The following RORC variants were observed in gnomAD, a reference collection of about 807,000 sequenced individuals.
RORC encodes RAR related orphan receptor C.
RORC carries 13 observed loss-of-function variants against 64.5 expected under a neutral mutation model. The observed-to-expected ratio is 0.20, with a 90% CI of 0.13 to 0.32. The LOEUF is 0.32. RORC is among the 10% of genes least tolerant of loss of function. The pLI is 1.00. For missense variants in RORC, 468 were observed against 669.5 expected (o/e 0.70, Z 3.32); for synonymous variants, 277 against 259.3 (o/e 1.07, Z -0.65).
At chr1:151,817,611 G>A (rs768548176) in intron 2 of RORC, among the ~76,000 whole-genome samples, 1 of 152,046 alleles carries the variant, frequency 6.6e-6, no homozygotes, top group Non-Finnish European at 1.5e-5. Flanking sequence ...CCTCCCTCCC[G>A]CCTTGGGACA....
chr1:151,808,382 A>G (rs538579150), intron 10 of RORC, among the ~76,000 whole-genome samples: 1 of 152,368 alleles, frequency 6.6e-6, no homozygotes, highest in East Asian at 1.9e-4. Flanking sequence ...ACCTCACTGG[A>G]GCAAGGCTGA....
At chr1:151,817,107 A>C (rs1651788804) in intron 3 of RORC, 88 bp downstream of exon 3, 1 of 306,222 alleles carries the variant, frequency 3.3e-6, no homozygotes, top group Non-Finnish European at 5.2e-6. Flanking sequence ...ATCTCTAAGG[A>C]GACACTGTGT....
rs964007404 is a variant in RORC at position 151,806,172 on chromosome 1, C to A, written c.*1300G>T. 2 of 153,062 alleles carry A rather than the reference C, an allele frequency of 1.3e-5. No individual in the cohort carries two copies. The highest frequency in any genetic ancestry group is 4.8e-5 in the African/African-American group (2 of 41,452). The allele number at this position is 153,062 out of a possible 1,614,324, so 9.5% of individuals were successfully genotyped here. A position where few individuals can be genotyped will look rare whatever the true frequency, so the allele number is the denominator to read the frequency against. ...GGACACAATCCCACCCCCAACCCCC[C>A]CAACTCCACGACTGCCCATCATTGC... On this transcript the variant is annotated 3_prime_UTR_variant, in exon 11 of 11. Coordinates refer to ENST00000318247, the MANE Select transcript of RORC (RefSeq NM_005060.4).
intron 2 of RORC, among the ~76,000 whole-genome samples, chr1:151,823,679 A>G (rs1300980621): frequency 6.6e-6 from 1 of 152,082 alleles, no homozygotes; most frequent in Non-Finnish European, 1.5e-5. Context: ...TCGCTCTGTC[A>G]CCTAAGCTAG....
intron 2 of RORC, among the ~76,000 whole-genome samples, chr1:151,824,251 G>A (rs996446295): frequency 4.6e-5 from 7 of 152,132 alleles, no homozygotes; most frequent in East Asian, 3.9e-4. Context: ...TGACCCCCTC[G>A]TTGGAGGAGG....
At chr1:151,829,641 T>G (rs532342155) in intron 1 of RORC, among the ~76,000 whole-genome samples, 183 bp from the exon 2 acceptor site, 14 of 152,274 alleles carry the variant, frequency 9.2e-5, no homozygotes, top group Non-Finnish European at 1.8e-4. Context: ...ACACTGGCCC[T>G]CTTCCAGGTA....
chr1:151,823,886 A>G (rs1288997032), intron 2 of RORC, among the ~76,000 whole-genome samples: 2 of 152,148 alleles, frequency 1.3e-5, no homozygotes, highest in East Asian at 3.9e-4. Context: ...CTCAAGCCTC[A>G]GCCTCCTGAA....
intron 2 of RORC, among the ~76,000 whole-genome samples, chr1:151,817,842 G>A (rs1391363126): frequency 6.6e-6 from 1 of 152,228 alleles, no homozygotes; most frequent in Non-Finnish European, 1.5e-5. Flanking sequence ...GGGGTGGCAG[G>A]GAGGAACCCA....
rs1413632721 is a variant in RORC, at chr1:151,815,352, C to G, written c.372G>C (p.Gln124His). The change falls in exon 5 of 11, where the codon CAG becomes CAC. Residue 124 changes from glutamine (Q) to histidine (H), a missense_variant. Around this residue, in one of 5 missense-constraint regions of RORC, gnomAD observed 241 missense variants for 295.5 expected, o/e 0.82. Transcript: ENST00000318247. ...CTGGTTCCTGTTGCTGCTGTTGCCG[C>G]TGCTGCAGCTGTTTCTGCACTTCTG... ...LHAEVQKQLQ[Q>H]RQQQQQEPVV... 1 of 1,582,740 alleles carries G rather than the reference C, an allele frequency of 6.3e-7. No individual in the cohort carries two copies. Among genetic ancestry groups the G allele is most frequent in the Non-Finnish European group, 8.6e-7 (1 of 1,165,462 alleles).
chr1:151,809,649 C>A (rs528411609), intron 10 of RORC, among the ~76,000 whole-genome samples: 1 of 152,024 alleles, frequency 6.6e-6, no homozygotes, highest in South Asian at 2.1e-4. Flanking sequence ...CAGATCCAAC[C>A]GGATGTGCTT....
chr1:151,818,052 T>C (rs1651838640), intron 2 of RORC, among the ~76,000 whole-genome samples: 3 of 152,210 alleles, frequency 2.0e-5, no homozygotes, highest in Admixed American at 2.0e-4. Context: ...ATGTTAAAAA[T>C]GGCTGAGACT....
chr1:151,827,594 C>A (rs1652244780), intron 2 of RORC, among the ~76,000 whole-genome samples: 1 of 152,226 alleles, frequency 6.6e-6, no homozygotes, highest in South Asian at 2.1e-4. Flanking sequence ...AGTCTCTCGG[C>A]CTGGGGGAGG....
chr1:151,813,352 C>T lies in RORC; in HGVS notation c.1067-6G>A. ...CAGCACCACTTCCATTGCTCCTGGGCAGTGGGGAGAGAAGATGCAGGGACA... is the reference window on the plus strand; with the variant it reads ...CAGCACCACTTCCATTGCTCCTGGGTAGTGGGGAGAGAAGATGCAGGGACA... On this transcript the variant is annotated splice_polypyrimidine_tract_variant and splice_region_variant and intron_variant, in intron 7 of 10. Coordinates refer to ENST00000318247, the MANE Select transcript of RORC (RefSeq NM_005060.4). The T allele has an allele frequency of 6.2e-7, 1 of 1,613,390 alleles. No homozygotes were observed. The highest frequency in any genetic ancestry group is 8.5e-7 in the Non-Finnish European group (1 of 1,179,344).
At chr1:151,816,104 T>A (rs567749940) in intron 4 of RORC, among the ~76,000 whole-genome samples, 7 of 152,106 alleles carry the variant, frequency 4.6e-5, no homozygotes, top group Non-Finnish European at 1.0e-4. Flanking sequence ...CCCCCCCAGC[T>A]CCACCCTAGG....
chr1:151,816,860 TCA>T (rs1360876490), intron 3 of RORC, 55 bp from the exon 4 acceptor site: 22 of 1,450,790 alleles, frequency 1.5e-5, no homozygotes, highest in Non-Finnish European at 2.0e-5. Context: ...CCCAGCTCAC[TCA>T]CAAAGGCCTC....
In RORC at chr1:151,830,659, C is replaced by CACACACACACACATAT. The variant is rs59443678; in HGVS notation, c.40+1065_40+1066insATATGTGTGTGTGTGT. On this transcript the variant is annotated intron_variant, in intron 1 of 10. Transcript: ENST00000318247. This position sits in a 1 kb window ranked among gnomAD's most constrained non-coding sequence, Gnocchi z 4.0. The stretch of plus-strand genomic sequence containing the variant: ...ACACACACACACACACACACACACA[C>CACACACACACACATAT]ACAGTGCCCTTCTGCCCGGGAGATG... Among the ~76,000 whole-genome samples the CACACACACACACATAT allele has an allele frequency of 2.4e-4, 33 of 139,054 alleles. 1 individual carries two copies. Among genetic ancestry groups the CACACACACACACATAT allele is most frequent in the Non-Finnish European group, 4.2e-4 (27 of 64,284 alleles). 91.2% of individuals were successfully genotyped at this position (139,054 alleles called of 152,430 possible). A position where few individuals can be genotyped will look rare whatever the true frequency, so the allele number is the denominator to read the frequency against.
chr1:151,821,623 C>T (rs1275523457), intron 2 of RORC, among the ~76,000 whole-genome samples: 2 of 152,206 alleles, frequency 1.3e-5, no homozygotes, highest in Non-Finnish European at 2.9e-5. Context: ...TGACTAAGGT[C>T]ACACAGCCAG....
In RORC at chr1:151,815,309, C is replaced by A. The variant is rs1455875267; in HGVS notation, c.415G>T (p.Ala139Ser). The A allele has an allele frequency of 6.2e-7, 1 of 1,607,812 alleles. No homozygotes were observed. Among genetic ancestry groups the A allele is most frequent in the Admixed American group, 1.7e-5 (1 of 59,278 alleles). ...AGGGTATCTGCTCCTTGGGCCCCTG[C>A]TGGAGGGGTCTTGACCACTGGTTCC... ...QQEPVVKTPPAGAQGADTLTY... is the reference protein window; with the variant it reads ...QQEPVVKTPPSGAQGADTLTY... The change falls in exon 5 of 11, where the codon GCA (alanine) becomes TCA (serine). Residue 139 changes from alanine to serine, a missense_variant. Physicochemically the swap from Ala to Ser is moderately conservative, Grantham distance 99 (BLOSUM62 1). Coordinates refer to ENST00000318247, the MANE Select transcript of RORC (RefSeq NM_005060.4).
chr1:151,823,055 C>G (rs1652054350), intron 2 of RORC, among the ~76,000 whole-genome samples: 2 of 151,836 alleles, frequency 1.3e-5, no homozygotes, highest in Non-Finnish European at 2.9e-5. Flanking sequence ...CAGAGTCTAG[C>G]ACCTTGGGCT....
Sources: allele counts gnomAD v4.1 joint callset (sites outside exome capture counted in the v4.1 genomes callset), GRCh38; gene constraint gnomAD v4.1.1; regional missense constraint gnomAD v4.1.1; non-coding constraint Gnocchi (gnomAD v3.1); transcripts MANE v1.5; gene names NCBI Gene and HGNC (gene_info 2026-07-23, HGNC 2026-07-21).